Variants in PRKCA observed in about 807,000 individuals in gnomAD.
PRKCA encodes the protein protein kinase C alpha.
PRKCA carries 27 observed loss-of-function variants against 87.0 expected under a neutral mutation model. The ratio of observed to expected loss-of-function variants is 0.31; its 90% CI spans 0.23 to 0.43. The LOEUF (loss-of-function observed/expected upper bound fraction) is 0.43, where lower values mean the gene tolerates loss of function less well. Ranked by LOEUF, PRKCA falls within the 20% of genes least tolerant of loss-of-function variation. PRKCA has a pLI of 1.00. For missense variants in PRKCA, 518 were observed against 852.3 expected (o/e 0.61, Z 4.88); for synonymous variants, 329 against 311.1 (o/e 1.06, Z -0.61).
chr17:66,750,290 G>T lies in PRKCA; in HGVS notation c.1524+7530G>T, dbSNP rs141066441. ...GAAACAGAATGATAAACCAAAGGGC[G>T]GCTTTCTTTCTATCAAAGGCCAATT... On this transcript the variant is annotated intron_variant, in intron 13 of 16. Transcript: ENST00000413366. Among the ~76,000 whole-genome samples the T allele has an allele frequency of 4.9e-3, 746 of 152,182 alleles. 1 individual carries two copies. The highest frequency in any genetic ancestry group is 7.9e-3 in the Non-Finnish European group (539 of 68,010).
At chr17:66,445,344 C>T (rs977416391) in intron 2 of PRKCA, among the ~76,000 whole-genome samples, 5 of 152,218 alleles carry the variant, frequency 3.3e-5, no homozygotes, top group Admixed American at 3.3e-4. Context: ...ATTCACATAC[C>T]AAGGCTGGCT....
intron 13 of PRKCA, among the ~76,000 whole-genome samples, chr17:66,768,128 G>A (rs144292459): frequency 4.4e-4 from 67 of 152,224 alleles, no homozygotes; most frequent in African/African-American, 1.6e-3. Context: ...ATTTTTAGTA[G>A]AGACAGAGTT....
At position 66,387,869 on chromosome 17, in the gene PRKCA, C is replaced by G. The variant is rs1243517505; in HGVS notation, c.205+81742C>G. On this transcript the variant is annotated intron_variant, in intron 2 of 16. Coordinates refer to ENST00000413366, the MANE Select transcript of PRKCA (RefSeq NM_002737.3). The stretch of plus-strand genomic sequence containing the variant: ...GCCTGTGCTTTAGACCTGCCAGATT[C>G]CTACCCACCTCACCTTGGAGTGGGA... 4.6e-5 allele frequency among the ~76,000 whole-genome samples: 7 copies of G among 152,336 alleles called. No individual in the cohort carries two copies. In the East Asian group the frequency reaches 7.7e-4, roughly 17 times the overall value.
intron 2 of PRKCA, among the ~76,000 whole-genome samples, chr17:66,324,191 A>G (rs1443498256): frequency 6.6e-6 from 1 of 152,134 alleles, no homozygotes; most frequent in Non-Finnish European, 1.5e-5. Flanking sequence ...ACTTCACATA[A>G]ACATTGATAT....
intron 5 of PRKCA, among the ~76,000 whole-genome samples, chr17:66,659,748 A>G (rs986564784): frequency 2.0e-5 from 3 of 152,076 alleles, no homozygotes; most frequent in Admixed American, 1.3e-4. Flanking sequence ...CACAAAAAAA[A>G]GAAGTCACTA....
At chr17:66,541,866 A>G (rs1967999280) in intron 3 of PRKCA, among the ~76,000 whole-genome samples, 1 of 152,222 alleles carries the variant, frequency 6.6e-6, no homozygotes, top group African/African-American at 2.4e-5. Flanking sequence ...CCTCTCAGTT[A>G]TCACTTAAAT....
intron 3 of PRKCA, among the ~76,000 whole-genome samples, chr17:66,554,880 CTTT>C (rs565435672): frequency 7.2e-6 from 1 of 138,508 alleles, no homozygotes; most frequent in Non-Finnish European, 1.6e-5. Context: ...ATTGTAAATT[CTTT>C]TTTTTTTTTT....
At position 66,805,084 on chromosome 17, in the gene PRKCA, C is replaced by T. The variant is rs556498953; in HGVS notation, c.*1047C>T. On this transcript the variant is annotated 3_prime_UTR_variant, in exon 17 of 17. Coordinates refer to ENST00000413366, the MANE Select transcript of PRKCA (RefSeq NM_002737.3). ...TGCTGACTCTAGCATCAGCCTCTAC[C>T]GATTGATTTTCCTCCCTTCTCTAGC... is the stretch of plus-strand genomic sequence containing the variant. 2.3e-5 allele frequency: 23 copies of T among 983,238 alleles called. No individual in the cohort carries two copies. The highest frequency in any genetic ancestry group is 1.2e-4 in the Admixed American group (2 of 16,280). 60.9% of individuals were successfully genotyped at this position (983,238 alleles called of 1,614,324 possible).
chr17:66,715,722 A>G (rs1219635530), intron 8 of PRKCA, among the ~76,000 whole-genome samples: 1 of 152,112 alleles, frequency 6.6e-6, no homozygotes, highest in Non-Finnish European at 1.5e-5. Context: ...GTCATCTACT[A>G]TAAAGGATAC....
At chr17:66,445,236 C>T (rs138848579) in intron 2 of PRKCA, among the ~76,000 whole-genome samples, 3 of 152,158 alleles carry the variant, frequency 2.0e-5, no homozygotes, top group African/African-American at 7.2e-5. Context: ...ATGGAGTCTC[C>T]ACTTGACCAG....
chr17:66,772,421 A>G (rs1185433596), intron 13 of PRKCA, among the ~76,000 whole-genome samples: 1 of 152,168 alleles, frequency 6.6e-6, no homozygotes, highest in African/African-American at 2.4e-5. Flanking sequence ...TATTAGTAAT[A>G]CATTAAAGAA....
At chr17:66,650,606 T>G (rs997436671) in intron 5 of PRKCA, among the ~76,000 whole-genome samples, 5 of 152,198 alleles carry the variant, frequency 3.3e-5, no homozygotes, top group African/African-American at 1.2e-4. Context: ...TAATTTGGTG[T>G]GGAGATTGAA....
chr17:66,408,577 C>T (rs1022152446), intron 2 of PRKCA, among the ~76,000 whole-genome samples: 7 of 152,116 alleles, frequency 4.6e-5, no homozygotes, highest in Admixed American at 6.6e-5. Flanking sequence ...TTACCTTATG[C>T]GTTGTTTGGT....
intron 5 of PRKCA, among the ~76,000 whole-genome samples, chr17:66,673,873 C>A (rs1972255605): frequency 6.6e-6 from 1 of 152,214 alleles, no homozygotes; most frequent in Non-Finnish European, 1.5e-5. Flanking sequence ...GCTCTTTTGT[C>A]TTTGTGGGTA....
At chr17:66,395,152 C>T (rs1285292419) in intron 2 of PRKCA, among the ~76,000 whole-genome samples, 1 of 152,024 alleles carries the variant, frequency 6.6e-6, no homozygotes, top group Non-Finnish European at 1.5e-5. Flanking sequence ...TTCTTTATAG[C>T]AGTCTGAAAA....
At chr17:66,452,176 A>C (rs1914360246) in intron 2 of PRKCA, among the ~76,000 whole-genome samples, 1 of 152,082 alleles carries the variant, frequency 6.6e-6, no homozygotes, top group Non-Finnish European at 1.5e-5. Flanking sequence ...CGGTGGCTTC[A>C]TTTTCTCCAG....
intron 3 of PRKCA, among the ~76,000 whole-genome samples, chr17:66,610,810 G>A (rs905844759): frequency 1.3e-5 from 2 of 152,108 alleles, no homozygotes; most frequent in African/African-American, 2.4e-5. Flanking sequence ...AAGCTGACCC[G>A]ACTGGCTACT....
At chr17:66,516,048 C>T (rs966029440) in intron 3 of PRKCA, among the ~76,000 whole-genome samples, 14 of 151,932 alleles carry the variant, frequency 9.2e-5, no homozygotes, top group Non-Finnish European at 2.9e-5. Flanking sequence ...ATAATACTTC[C>T]TGATAGTAGA....
Position 66,803,873 on chromosome 17 carries a change from T to A in PRKCA, c.1855T>A (p.Cys619Ser). Residue 619 changes from cysteine to serine, a missense_variant and splice_region_variant, in exon 17 of 17, where the codon TGT becomes AGT. Transcript: ENST00000413366. This position sits in a 1 kb window ranked among gnomAD's most constrained non-coding sequence, Gnocchi z 4.4. Reference protein sequence around the residue: ...EIQPPFKPKVCGKGAENFDKF... With the variant: ...EIQPPFKPKVSGKGAENFDKF... ...CCTTCTTTTTGTCTTTTCTCCACAG[T>A]GTGGCAAAGGAGCAGAGAACTTTGA... The A allele has an allele frequency of 6.2e-7, 1 of 1,613,610 alleles. No individual in the cohort carries two copies. Among genetic ancestry groups the A allele is most frequent in the Non-Finnish European group, 8.5e-7 (1 of 1,179,710 alleles).
Sources: gnomAD v4.1 joint callset for allele counts (sites outside exome capture counted in the v4.1 genomes callset) on GRCh38, gnomAD v4.1.1 for gene constraint, Gnocchi (gnomAD v3.1) non-coding constraint, MANE v1.5 for transcripts, NCBI Gene and HGNC (gene_info 2026-07-23, HGNC 2026-07-21) for gene names.